DCAF1: variants seen among roughly 807,000 people sequenced by gnomAD.
The protein encoded by DCAF1 is DDB1- and CUL4-associated factor 1.
DCAF1 carries 15 observed loss-of-function variants against 128.0 expected under a neutral mutation model. The ratio of observed to expected loss-of-function variants is 0.12; its 90% CI spans 0.08 to 0.18. The LOEUF is 0.18. DCAF1 is among the 10% of genes least tolerant of loss of function. DCAF1 has a pLI of 1.00. For missense variants in DCAF1, 988 were observed against 1,649.5 expected, an observed-to-expected ratio of 0.60 and a Z score of 6.95; for synonymous variants, 610 against 603.0, an observed-to-expected ratio of 1.01 and a Z score of -0.17.
upstream of DCAF1, among the ~76,000 whole-genome samples, chr3:51,503,757 G>A (rs1708875790): frequency 6.6e-6 from 1 of 152,132 alleles, no homozygotes; most frequent in East Asian, 1.9e-4. Flanking sequence ...GAGAGGGAAC[G>A]CCACATCATT....
chr3:51,412,324 A>G, intron 23 of DCAF1, 55 bp downstream of exon 23: 1 of 1,610,236 alleles, frequency 6.2e-7, no homozygotes, highest in Non-Finnish European at 8.5e-7. Context: ...CAAAAAGCAG[A>G]GCATAACCTC....
chr3:51,450,500 A>T (rs1553641249), intron 6 of DCAF1, among the ~76,000 whole-genome samples: 2 of 152,266 alleles, frequency 1.3e-5, no homozygotes, highest in Admixed American at 6.5e-5. Flanking sequence ...AAAAATGTTG[A>T]CAAGTCAATA....
At chr3:51,495,311 C>CA (rs1310895839) in intron 2 of DCAF1, among the ~76,000 whole-genome samples, 2 of 149,816 alleles carry the variant, frequency 1.3e-5, no homozygotes, top group Non-Finnish European at 3.0e-5. Context: ...GCGACAAGAG[C>CA]AAAACTCCAT....
At chr3:51,483,983 T>C (rs1706598470) in intron 2 of DCAF1, 147 bp from the exon 3 acceptor site, 1 of 621,256 alleles carries the variant, frequency 1.6e-6, no homozygotes, top group South Asian at 2.0e-5. Flanking sequence ...GATTTATTTG[T>C]GGTACAGCAG....
At chr3:51,471,714 A>G (rs1384942193) in intron 3 of DCAF1, among the ~76,000 whole-genome samples, 1 of 151,874 alleles carries the variant, frequency 6.6e-6, no homozygotes, top group Non-Finnish European at 1.5e-5. Context: ...CTAAAAATAC[A>G]AAATTAGCTG....
At chr3:51,431,858 C>A (rs1700414849) in intron 10 of DCAF1, among the ~76,000 whole-genome samples, 1 of 151,890 alleles carries the variant, frequency 6.6e-6, no homozygotes, top group South Asian at 2.1e-4. Flanking sequence ...GTGGTCCCAG[C>A]TACTTGGGAG....
intron 6 of DCAF1, among the ~76,000 whole-genome samples, chr3:51,458,778 C>T (rs1475295188): frequency 4.6e-5 from 7 of 152,194 alleles, no homozygotes; most frequent in Non-Finnish European, 1.0e-4. Context: ...AACTGCTCAA[C>T]TACATGAAAA....
Position 51,414,656 on chromosome 3 carries a change from T to C in DCAF1, c.3805A>G (p.Asn1269Asp). The C allele has an allele frequency of 6.2e-7, 1 of 1,614,032 alleles. No homozygotes were observed. Among genetic ancestry groups the C allele is most frequent in the Non-Finnish European group, 8.5e-7 (1 of 1,179,898 alleles). Reference protein sequence around the residue: ...NMNISGVFHPNGLEVIINTEI... With the variant: ...NMNISGVFHPDGLEVIINTEI... ...GTATTAATGATCACCTCCAGTCCAT[T>C]TGGATGGAAAACACCACTGATGTTC... Residue 1269 changes from asparagine to aspartate, a missense_variant, in exon 19 of 25, where the codon AAT becomes GAT. Physicochemically the swap from Asn to Asp is conservative, Grantham distance 23 (BLOSUM62 1). This residue lies in a region of DCAF1 where 85 missense variants were observed against 204.6 expected (regional missense o/e 0.42). Coordinates refer to ENST00000684031, the MANE Select transcript of DCAF1 (RefSeq NM_001387579.1).
intron 23 of DCAF1, among the ~76,000 whole-genome samples, chr3:51,409,185 T>C (rs535140697): frequency 2.4e-4 from 36 of 152,330 alleles, no homozygotes; most frequent in Non-Finnish European, 5.9e-5. Context: ...AATTAGTCAG[T>C]CTTTTCCCTG....
At chr3:51,436,082 A>G (rs1249742950) in intron 9 of DCAF1, among the ~76,000 whole-genome samples, 3 of 152,230 alleles carry the variant, frequency 2.0e-5, no homozygotes, top group Non-Finnish European at 4.4e-5. Flanking sequence ...TTCTGCTTCA[A>G]GACGTTGATA....
chr3:51,493,573 G>C (rs1475203446), intron 2 of DCAF1, among the ~76,000 whole-genome samples: 2 of 151,986 alleles, frequency 1.3e-5, no homozygotes. Flanking sequence ...AACAAAATGT[G>C]GTATATGCAT....
At chr3:51,418,926 GA>G (rs1428689339) in intron 15 of DCAF1, 50 bp from the exon 16 acceptor site, 1 of 1,520,028 alleles carries the variant, frequency 6.6e-7, no homozygotes, top group African/African-American at 1.4e-5. Context: ...CAGGGACTCA[GA>G]AAAAGCAAAC....
chr3:51,505,496 T>A, the DCAF1 span, among the ~76,000 whole-genome samples: 2 of 152,150 alleles, frequency 1.3e-5, no homozygotes, highest in African/African-American at 4.8e-5. Flanking sequence ...CGGGAGTTTC[T>A]AGGTGTAGAG....
chr3:51,417,322 G>A (rs1451620292), intron 17 of DCAF1, among the ~76,000 whole-genome samples: 1 of 152,206 alleles, frequency 6.6e-6, no homozygotes, highest in Non-Finnish European at 1.5e-5. Flanking sequence ...AGCAGGCTGA[G>A]ATGAGAGGAT....
At chr3:51,497,634 C>T (rs1328664883) in intron 1 of DCAF1, among the ~76,000 whole-genome samples, 1 of 152,014 alleles carries the variant, frequency 6.6e-6, no homozygotes, top group Non-Finnish European at 1.5e-5. Context: ...CACAGTGGCT[C>T]AAGCCTGTAA....
chr3:51,424,887 G>A (rs1383228803), intron 13 of DCAF1, among the ~76,000 whole-genome samples: 1 of 152,148 alleles, frequency 6.6e-6, no homozygotes, highest in African/African-American at 2.4e-5. Flanking sequence ...CTCTGGGGAG[G>A]CAGAAAAAGA....
intron 23 of DCAF1, among the ~76,000 whole-genome samples, chr3:51,408,345 G>A (rs1698091823): frequency 6.6e-6 from 1 of 152,180 alleles, no homozygotes; most frequent in Non-Finnish European, 1.5e-5. Context: ...TTGCTATAAT[G>A]AAAAGGCAAA....
At chr3:51,456,778 C>T (rs934086417) in intron 6 of DCAF1, among the ~76,000 whole-genome samples, 5 of 152,214 alleles carry the variant, frequency 3.3e-5, no homozygotes, top group Non-Finnish European at 7.3e-5. Context: ...TCTGCAGCCA[C>T]CGCTGCTGAT....
At chr3:51,488,178 A>T (rs1553656305) in intron 2 of DCAF1, among the ~76,000 whole-genome samples, 2 of 152,104 alleles carry the variant, frequency 1.3e-5, no homozygotes, top group Non-Finnish European at 2.9e-5. Flanking sequence ...CAAACATTTA[A>T]AGAAGAATTA....
Sources: allele counts gnomAD v4.1 joint callset (sites outside exome capture counted in the v4.1 genomes callset), GRCh38; gene constraint gnomAD v4.1.1; regional missense constraint gnomAD v4.1.1; transcripts MANE v1.5; gene names NCBI Gene and HGNC (gene_info 2026-07-23, HGNC 2026-07-21).